The following PAPPA variants were observed in gnomAD, a reference collection of about 807,000 sequenced individuals.
PAPPA encodes the protein pappalysin 1, also known as pappalysin-1.
PAPPA carries 60 observed loss-of-function variants against 164.0 expected under a neutral mutation model. The ratio of observed to expected loss-of-function variants is 0.37; its 90% confidence interval spans 0.30 to 0.45. The LOEUF is 0.45. PAPPA is among the 20% of genes least tolerant of loss of function. PAPPA has a pLI of 1.00. For synonymous variants in PAPPA, 875 were observed against 814.1 expected, an observed-to-expected ratio of 1.07 and a Z score of -1.27; for missense variants, 1,782 against 2,087.3, an observed-to-expected ratio of 0.85 and a Z score of 2.85.
intron 5 of PAPPA, among the ~76,000 whole-genome samples, chr9:116,224,072 C>T (rs1844475878): frequency 6.6e-6 from 1 of 152,194 alleles, no homozygotes. Context: ...TCCACTACAT[C>T]CATCAATGCC....
rs116221251 is a variant in PAPPA at position 116,372,594 on chromosome 9, A to G, written c.4605+4840A>G. Among the ~76,000 whole-genome samples, 1,265 of 152,204 alleles carry G rather than the reference A, an allele frequency of 8.3e-3. 18 individuals carry two copies. Among genetic ancestry groups the G allele is most frequent in the African/African-American group, 0.028 (1,164 of 41,540 alleles). Reference sequence around the variant, plus strand: ...AGAAATAGATCCAATTTGCTCACACATTGTCCCTTGCCCAGGGATGCTGAG... The same window carrying G: ...AGAAATAGATCCAATTTGCTCACACGTTGTCCCTTGCCCAGGGATGCTGAG... On this transcript the variant is annotated intron_variant, in intron 19 of 21. Coordinates refer to ENST00000328252, the MANE Select transcript of PAPPA (RefSeq NM_002581.5).
At chr9:116,258,290 T>A (rs1016349579) in intron 7 of PAPPA, among the ~76,000 whole-genome samples, 2 of 151,952 alleles carry the variant, frequency 1.3e-5, no homozygotes, top group Admixed American at 1.3e-4. Flanking sequence ...AATGAACTTA[T>A]AATGTAAATC....
Position 116,250,739 on chromosome 9 carries a change from T to C in PAPPA, c.2732+15102T>C, listed in dbSNP as rs189611228. Among the ~76,000 whole-genome samples, 21 of 152,304 alleles carry C rather than the reference T, an allele frequency of 1.4e-4. No homozygotes were observed. The East Asian group carries it at 4.0e-3, about 29-fold the overall frequency. On this transcript the variant is annotated intron_variant, in intron 7 of 21. Transcript: ENST00000328252. ...GACTGACACTTGACATATGAGAGAATTGAGCTGAAAGAGGAAGCCACTTCT... is the reference window on the plus strand; with the variant it reads ...GACTGACACTTGACATATGAGAGAACTGAGCTGAAAGAGGAAGCCACTTCT...
rs751470271 is a variant in PAPPA at position 116,187,279 on chromosome 9, C to A, written c.541C>A (p.Gln181Lys). Residue 181 changes from glutamine (Q) to lysine (K), a missense_variant, in exon 2 of 22, where the codon CAA becomes AAA. By Grantham distance (53) the Gln-to-Lys change is moderately conservative (BLOSUM62 1). Coordinates refer to ENST00000328252, the MANE Select transcript of PAPPA (RefSeq NM_002581.5). This position sits in a 1 kb window ranked among gnomAD's most constrained non-coding sequence, Gnocchi z 4.2. Reference sequence around the variant, plus strand: ...CTCCTTGAAGACAGACCGAGCCCGGCAAGTGACCACCATCAATGCCCACCG... The same window carrying A: ...CTCCTTGAAGACAGACCGAGCCCGGAAAGTGACCACCATCAATGCCCACCG... ...FFSLKTDRAR[Q>K]VTTINAHRSY... is the part of the protein sequence containing the mutation. The A allele has an allele frequency of 8.7e-6, 14 of 1,614,080 alleles. No individual in the cohort carries two copies. The highest frequency in any genetic ancestry group is 1.6e-4 in the Middle Eastern group (1 of 6,084).
intron 10 of PAPPA, among the ~76,000 whole-genome samples, chr9:116,306,825 G>A (rs1385652026): frequency 6.6e-6 from 1 of 152,146 alleles, no homozygotes; most frequent in Non-Finnish European, 1.5e-5. Flanking sequence ...ACCAAAGTCT[G>A]TTTCCTCCTA....
At chr9:116,299,002 C>T (rs187764761) in intron 9 of PAPPA, among the ~76,000 whole-genome samples, 89 of 152,168 alleles carry the variant, frequency 5.8e-4, no homozygotes, top group African/African-American at 2.1e-3. Flanking sequence ...TTTTTGCGGC[C>T]GCACATTTGT....
chr9:116,324,600 A>G (rs1193226206), intron 10 of PAPPA, among the ~76,000 whole-genome samples: 1 of 152,214 alleles, frequency 6.6e-6, no homozygotes. Context: ...GCTGTAACTG[A>G]GGTATAAATA....
intron 2 of PAPPA, among the ~76,000 whole-genome samples, chr9:116,199,630 C>A (rs1844147735): frequency 6.6e-6 from 1 of 152,140 alleles, no homozygotes; most frequent in South Asian, 2.1e-4. Context: ...TCCCAGGACA[C>A]TTTCAATTCT....
chr9:116,274,813 G>A (rs1228038324), intron 9 of PAPPA, among the ~76,000 whole-genome samples: 1 of 152,176 alleles, frequency 6.6e-6, no homozygotes, highest in Non-Finnish European at 1.5e-5. Flanking sequence ...GCTTGAGTGT[G>A]GGTATATACA....
At chr9:116,307,126 G>A (rs562097648) in intron 10 of PAPPA, among the ~76,000 whole-genome samples, 1 of 152,318 alleles carries the variant, frequency 6.6e-6, no homozygotes, top group East Asian at 1.9e-4. Flanking sequence ...ACAGCTGACT[G>A]AACAGAAGAT....
At chr9:116,190,928 G>A (rs923103632) in intron 2 of PAPPA, among the ~76,000 whole-genome samples, 1 of 152,204 alleles carries the variant, frequency 6.6e-6, no homozygotes, top group African/African-American at 2.4e-5. Context: ...GATTTTCTGG[G>A]TTCTGGCCGA....
At chr9:116,193,268 C>T (rs887263925) in intron 2 of PAPPA, among the ~76,000 whole-genome samples, 3 of 152,102 alleles carry the variant, frequency 2.0e-5, no homozygotes, top group African/African-American at 7.2e-5. Context: ...TCACCCCCGA[C>T]CCCTCTGCTG....
At chr9:116,202,889 G>A (rs1844188292) in intron 2 of PAPPA, among the ~76,000 whole-genome samples, 1 of 152,040 alleles carries the variant, frequency 6.6e-6, no homozygotes, top group Non-Finnish European at 1.5e-5. Context: ...TTGACTCAGC[G>A]ACATTTTTCT....
chr9:116,327,628 A>G (rs1036893329), intron 10 of PAPPA, among the ~76,000 whole-genome samples: 1 of 151,666 alleles, frequency 6.6e-6, no homozygotes, highest in Non-Finnish European at 1.5e-5. Context: ...GAGCATCCCC[A>G]TAAAATCAGT....
chr9:116,208,120 C>G (rs998278845), intron 3 of PAPPA, among the ~76,000 whole-genome samples: 14 of 152,202 alleles, frequency 9.2e-5, no homozygotes, highest in African/African-American at 3.4e-4. Flanking sequence ...AGGAACTCTT[C>G]TTACATTCAA....
intron 1 of PAPPA, among the ~76,000 whole-genome samples, chr9:116,179,238 G>A (rs904853280): frequency 1.3e-5 from 2 of 152,182 alleles, no homozygotes; most frequent in South Asian, 2.1e-4. Flanking sequence ...GACCCATTTA[G>A]TGAGGGTGCT....
At chr9:116,260,367 GTA>G (rs1327763532) in intron 7 of PAPPA, among the ~76,000 whole-genome samples, 6 of 152,184 alleles carry the variant, frequency 3.9e-5, no homozygotes, top group Admixed American at 3.9e-4. Context: ...ATAATAGCAT[GTA>G]TAGTCTTTGG....
chr9:116,386,028 G>T (rs920297340), intron 21 of PAPPA, among the ~76,000 whole-genome samples: 1 of 152,222 alleles, frequency 6.6e-6, no homozygotes, highest in Non-Finnish European at 1.5e-5. Flanking sequence ...TCTGAAGAGG[G>T]AACAGAGTCT....
In PAPPA at chr9:116,293,252, A is replaced by G. The variant is rs564477981; in HGVS notation, c.2954-9505A>G. 3.9e-5 allele frequency among the ~76,000 whole-genome samples: 6 copies of G among 152,354 alleles called. No individual in the cohort carries two copies. The Middle Eastern group carries it at 0.017, about 432-fold the overall frequency. On this transcript the variant is annotated intron_variant, in intron 9 of 21. Coordinates refer to ENST00000328252, the MANE Select transcript of PAPPA (RefSeq NM_002581.5). ...TTTAGGAGACGTATAACAGAATGAA[A>G]GGAGGTTTGCGTTTTTATTAATTTA...
Sources: gnomAD v4.1 joint callset for allele counts (sites outside exome capture counted in the v4.1 genomes callset) on GRCh38, gnomAD v4.1.1 for gene constraint, Gnocchi (gnomAD v3.1) non-coding constraint, MANE v1.5 for transcripts, NCBI Gene and HGNC (gene_info 2026-07-23, HGNC 2026-07-21) for gene names.